GXYLT2: variants seen among roughly 807,000 people sequenced by gnomAD.
GXYLT2 encodes the protein glucoside xylosyltransferase 2.
A neutral mutation model predicts 45.8 loss-of-function variants in GXYLT2; 53 were observed. The ratio of observed to expected loss-of-function variants is 1.16; its 90% confidence interval spans 0.93 to 1.46. The LOEUF (loss-of-function observed/expected upper bound fraction) is 1.46. Among genes scored for constraint, GXYLT2 ranks in the 40% most tolerant of loss-of-function variants. The pLI is 0.00. For missense variants in GXYLT2, 551 were observed against 544.4 expected (o/e 1.01, Z -0.12); for synonymous variants, 219 against 214.2 (o/e 1.02, Z -0.19).
chr3:72,918,080 C>G (rs1709771255), intron 2 of GXYLT2, among the ~76,000 whole-genome samples: 1 of 152,066 alleles, frequency 6.6e-6, no homozygotes, highest in African/African-American at 2.4e-5. Flanking sequence ...ACTCAATGTG[C>G]TATTTAGAGT....
chr3:72,924,316 C>T (rs1709880859), intron 3 of GXYLT2, among the ~76,000 whole-genome samples: 1 of 151,896 alleles, frequency 6.6e-6, no homozygotes, highest in African/African-American at 2.4e-5. Flanking sequence ...ACCCGAGCCT[C>T]ACAAGTAGCT....
chr3:72,888,576 C>T, intron 1 of GXYLT2, 68 bp downstream of exon 1: 1 of 1,018,474 alleles, frequency 9.8e-7, no homozygotes, highest in Non-Finnish European at 1.2e-6. Flanking sequence ...CGTGCCAAGT[C>T]CAAGGGAGGC....
chr3:72,957,127 C>A, intron 4 of GXYLT2, 102 bp from the exon 5 acceptor site: 1 of 1,219,364 alleles, frequency 8.2e-7, no homozygotes, highest in Non-Finnish European at 1.1e-6. Flanking sequence ...GTATTTGTTT[C>A]CCTCCTCTGA....
intron 1 of GXYLT2, among the ~76,000 whole-genome samples, chr3:72,890,239 C>G (rs996118802): frequency 1.6e-4 from 25 of 152,170 alleles, no homozygotes; most frequent in African/African-American, 6.0e-4. Context: ...GACAGTGGTT[C>G]TCAAAGTGTG....
At chr3:72,940,723 C>T (rs1238205274) in intron 3 of GXYLT2, among the ~76,000 whole-genome samples, 1 of 152,182 alleles carries the variant, frequency 6.6e-6, no homozygotes, top group Non-Finnish European at 1.5e-5. Flanking sequence ...CCTCTGTCAT[C>T]CAGGCTAGAG....
Position 72,922,318 on chromosome 3 carries a change from C to T in GXYLT2, c.583C>T (p.Gln195Ter). 6.2e-7 allele frequency: 1 copy of T among 1,612,198 alleles called. No individual in the cohort carries two copies. The highest frequency in any genetic ancestry group is 8.5e-7 in the Non-Finnish European group (1 of 1,179,434). The change falls in exon 3 of 7, where the codon CAG becomes TAG. Residue 195 changes from glutamine to a stop codon, truncating the protein, a stop_gained. Coordinates refer to ENST00000389617, the MANE Select transcript of GXYLT2 (RefSeq NM_001080393.2). LOFTEE classifies it high-confidence loss of function. Reference protein sequence around the residue: ...WKKLFKPCAAQRLFLPVILKD... With the variant: ...WKKLFKPCAA ...GAAATTGTTCAAACCCTGTGCTGCCCAGAGACTCTTTCTTCCGGTAGGAAC... is the reference window on the plus strand; with the variant it reads ...GAAATTGTTCAAACCCTGTGCTGCCTAGAGACTCTTTCTTCCGGTAGGAAC...
At chr3:72,921,736 C>A (rs936882336) in intron 2 of GXYLT2, among the ~76,000 whole-genome samples, 1 of 152,116 alleles carries the variant, frequency 6.6e-6, no homozygotes, top group African/African-American at 2.4e-5. Context: ...GTCCCTCTAA[C>A]GGTACATTAT....
At chr3:72,964,563 C>T (rs557925081) in intron 5 of GXYLT2, among the ~76,000 whole-genome samples, 25 of 151,954 alleles carry the variant, frequency 1.6e-4, no homozygotes, top group African/African-American at 2.9e-4. Context: ...CCTCGTGATC[C>T]GCCCGCCTTG....
Position 72,908,543 on chromosome 3 carries a change from C to A in GXYLT2, c.452C>A (p.Pro151His). The change falls in exon 2 of 7, where the codon CCC becomes CAC. Residue 151 changes from proline (P) to histidine (H), a missense_variant. Physicochemically the swap from Pro to His is moderately conservative, Grantham distance 77 (BLOSUM62 -2). Coordinates refer to ENST00000389617, the MANE Select transcript of GXYLT2 (RefSeq NM_001080393.2). Reference protein sequence around the residue: ...FHIFTEDSLKPEFDKQLRQWP... With the variant: ...FHIFTEDSLKHEFDKQLRQWP... ...ATCTTCACTGAAGACTCTCTGAAGCCCGAGTTTGATAAGCAGGTGAATTTG... is the reference window on the plus strand; with the variant it reads ...ATCTTCACTGAAGACTCTCTGAAGCACGAGTTTGATAAGCAGGTGAATTTG... The A allele has an allele frequency of 6.2e-7, 1 of 1,611,232 alleles. No individual in the cohort carries two copies. The highest frequency in any genetic ancestry group is 8.5e-7 in the Non-Finnish European group (1 of 1,178,790).
intron 2 of GXYLT2, among the ~76,000 whole-genome samples, chr3:72,912,334 G>A (rs937453365): frequency 1.3e-5 from 2 of 151,980 alleles, no homozygotes; most frequent in South Asian, 2.1e-4. Flanking sequence ...ATTTTTTGTA[G>A]AGATGCGGTC....
chr3:72,937,737 T>C (rs1431679133), intron 3 of GXYLT2, among the ~76,000 whole-genome samples: 1 of 152,142 alleles, frequency 6.6e-6, no homozygotes, highest in Non-Finnish European at 1.5e-5. Context: ...TTAGGAAAAT[T>C]CCCCTGAACC....
At chr3:72,898,485 G>A (rs898358273) in intron 1 of GXYLT2, among the ~76,000 whole-genome samples, 21 of 152,142 alleles carry the variant, frequency 1.4e-4, no homozygotes, top group African/African-American at 5.1e-4. Flanking sequence ...AATCATAAGG[G>A]AAAAAATGAA....
intron 6 of GXYLT2, among the ~76,000 whole-genome samples, chr3:72,974,027 C>G (rs565432366): frequency 6.6e-6 from 1 of 152,258 alleles, no homozygotes; most frequent in South Asian, 2.1e-4. Context: ...ACCCACCTCT[C>G]CTGTTAGGCA....
Position 72,888,487 on chromosome 3 carries a change from C to T in GXYLT2, c.254C>T (p.Ala85Val), listed in dbSNP as rs1171203154. The change falls in exon 1 of 7, where the codon GCG becomes GTG. Residue 85 changes from alanine to valine, a missense_variant. Transcript: ENST00000389617. ...CCCCGAGCGGGCCGCCGGGGCGCTG[C>T]GAGACTGGAGAAGTTGGCGAGGTGA... ...PRPRAGRRGA[A>V]RLEKLARRPG... The T allele has an allele frequency of 4.8e-6, 6 of 1,251,994 alleles. No homozygotes were observed. In the African/African-American group the frequency reaches 6.3e-5, roughly 13 times the overall value. The allele number at this position is 1,251,994 out of a possible 1,614,324, so 77.6% of individuals were successfully genotyped here.
intron 1 of GXYLT2, among the ~76,000 whole-genome samples, chr3:72,891,683 C>A (rs960371771): frequency 6.6e-6 from 1 of 151,882 alleles, no homozygotes; most frequent in Admixed American, 6.6e-5. Context: ...TCTAAGACAA[C>A]GTATAGTAAA....
At position 72,975,369 on chromosome 3, in the gene GXYLT2, G is replaced by GAA. The variant is rs5850090; in HGVS notation, c.*221_*222dup. The GAA allele has an allele frequency of 0.029, 9,516 of 325,578 alleles. 3 individuals are homozygous for GAA. Among genetic ancestry groups the GAA allele is most frequent in the Middle Eastern group, 0.034 (42 of 1,230 alleles). The allele number at this position is 325,578 out of a possible 1,614,324, so 20.2% of individuals were successfully genotyped here. On this transcript the variant is annotated 3_prime_UTR_variant, in exon 7 of 7. Transcript: ENST00000389617. ...TTCTAAAATGCTATTTATCTCTAAG[G>GAA]AAAAAAAAAAAAGACTATTACTCAT... is the stretch of plus-strand genomic sequence containing the variant.
chr3:72,925,645 A>G (rs903498340), intron 3 of GXYLT2, among the ~76,000 whole-genome samples: 2 of 152,180 alleles, frequency 1.3e-5, no homozygotes, highest in Non-Finnish European at 2.9e-5. Flanking sequence ...AGTATTAGAA[A>G]ACCAAAGGTA....
chr3:72,915,979 C>T (rs757416638), intron 2 of GXYLT2, among the ~76,000 whole-genome samples: 4 of 151,988 alleles, frequency 2.6e-5, no homozygotes, highest in Non-Finnish European at 4.4e-5. Flanking sequence ...GTCTTACCTT[C>T]GTGGTCATTA....
intron 3 of GXYLT2, chr3:72,929,009 C>T (rs1396952397): frequency 1.3e-5 from 17 of 1,298,526 alleles, no homozygotes; most frequent in African/African-American, 4.4e-5. Context: ...TCCAGCGCCG[C>T]GCAGCCACCG....
Sources: gnomAD v4.1 joint callset for allele counts (sites outside exome capture counted in the v4.1 genomes callset) on GRCh38, gnomAD v4.1.1 for gene constraint, MANE v1.5 for transcripts, NCBI Gene and HGNC (gene_info 2026-07-23, HGNC 2026-07-21) for gene names.